Variants in IL1RAPL2 observed in about 807,000 individuals in gnomAD.
IL1RAPL2 encodes the protein interleukin 1 receptor accessory protein like 2.
A neutral mutation model predicts 44.1 loss-of-function variants in IL1RAPL2; 3 were observed. The ratio of observed to expected loss-of-function variants is 0.07; its 90% CI spans 0.03 to 0.18. The LOEUF is 0.18. Among genes scored for constraint, IL1RAPL2 ranks in the 10% least tolerant of loss-of-function variants. The pLI is 1.00. For missense variants in IL1RAPL2, 391 were observed against 496.4 expected (o/e 0.79, Z 2.02); for synonymous variants, 181 against 178.8 (o/e 1.01, Z -0.10).
intron 2 of IL1RAPL2, among the ~76,000 whole-genome samples, chrX:105,107,591 A>G (rs2032756566): frequency 8.9e-6 from 1 of 111,963 alleles, no homozygotes; most frequent in African/African-American, 3.3e-5. Context: ...CCCAAATGAT[A>G]AAGTGGGGAG....
At chrX:104,828,281 TTGC>T (rs1210979453) in intron 2 of IL1RAPL2, among the ~76,000 whole-genome samples, 4 of 112,202 alleles carry the variant, frequency 3.6e-5, no homozygotes, top group African/African-American at 1.3e-4. Context: ...CCTTTCATCT[TTGC>T]TGTTGGTGAC....
chrX:105,021,702 G>T (rs2031285140), intron 2 of IL1RAPL2, among the ~76,000 whole-genome samples: 1 of 111,223 alleles, frequency 9.0e-6, no homozygotes, highest in African/African-American at 3.3e-5. Context: ...TGTTCTTTAG[G>T]TGTTTTTGAT....
At chrX:105,306,037 G>A (rs1450185210) in intron 5 of IL1RAPL2, among the ~76,000 whole-genome samples, 3 of 75,635 alleles carry the variant, frequency 4.0e-5, no homozygotes, top group Non-Finnish European at 6.1e-5. Flanking sequence ...TTCATTTTGT[G>A]TTGAAAGGTT....
intron 2 of IL1RAPL2, among the ~76,000 whole-genome samples, chrX:104,774,734 G>A (rs1012537754): frequency 8.9e-6 from 1 of 112,028 alleles, no homozygotes; most frequent in African/African-American, 3.2e-5. Flanking sequence ...CATATTCATT[G>A]ATATGTGACT....
chrX:105,058,496 T>C (rs1019311849), intron 2 of IL1RAPL2, among the ~76,000 whole-genome samples: 3 of 112,432 alleles, frequency 2.7e-5, no homozygotes, highest in African/African-American at 9.7e-5. Flanking sequence ...AACAACATGT[T>C]ACCTGAACAT....
intron 1 of IL1RAPL2, among the ~76,000 whole-genome samples, chrX:104,638,728 T>C (rs999722442): frequency 8.9e-6 from 1 of 112,415 alleles, no homozygotes; most frequent in African/African-American, 3.2e-5. Flanking sequence ...AGATACTTGA[T>C]ATAATTTCAC....
chrX:105,464,539 C>A (rs925801916), intron 5 of IL1RAPL2, among the ~76,000 whole-genome samples: 15 of 111,418 alleles, frequency 1.3e-4, no homozygotes, highest in African/African-American at 4.9e-4. Context: ...AAAAACACTT[C>A]TAATATTAAA....
chrX:104,786,309 C>T (rs765462470), intron 2 of IL1RAPL2, among the ~76,000 whole-genome samples: 21 of 111,832 alleles, frequency 1.9e-4, no homozygotes, highest in African/African-American at 6.8e-4. Flanking sequence ...ATCTCATATC[C>T]TCTCTTCCTT....
At chrX:105,044,818 G>A (rs908981603) in intron 2 of IL1RAPL2, among the ~76,000 whole-genome samples, 1 of 111,126 alleles carries the variant, frequency 9.0e-6, no homozygotes, top group Admixed American at 9.7e-5. Flanking sequence ...CTAGGCTTAG[G>A]AACAGTAGGC....
At chrX:105,695,809 C>A (rs754476121) in intron 6 of IL1RAPL2, among the ~76,000 whole-genome samples, 41 of 111,946 alleles carry the variant, frequency 3.7e-4, no homozygotes, top group Non-Finnish European at 7.5e-5. Context: ...TGACCAAATA[C>A]CCACAACTAG....
At chrX:105,156,776 TATTTA>T (rs2033272103) in intron 2 of IL1RAPL2, among the ~76,000 whole-genome samples, 1 of 112,357 alleles carries the variant, frequency 8.9e-6, no homozygotes, top group African/African-American at 3.2e-5. Context: ...ACAAACAAAA[TATTTA>T]TTTGATCTCG....
chrX:104,573,854 G>A (rs767345366), intron 1 of IL1RAPL2, among the ~76,000 whole-genome samples: 5 of 111,464 alleles, frequency 4.5e-5, no homozygotes, highest in South Asian at 3.7e-4. Flanking sequence ...AAATTCATGC[G>A]TTTGAGGGAA....
At chrX:104,814,066 G>A (rs1921071039) in intron 2 of IL1RAPL2, among the ~76,000 whole-genome samples, 2 of 110,759 alleles carry the variant, frequency 1.8e-5, no homozygotes, top group South Asian at 7.8e-4. Context: ...CCATCTCTCT[G>A]AGCATGGGTA....
At chrX:105,034,127 A>G (rs1007297871) in intron 2 of IL1RAPL2, among the ~76,000 whole-genome samples, 3 of 110,941 alleles carry the variant, frequency 2.7e-5, no homozygotes, top group Non-Finnish European at 5.7e-5. Flanking sequence ...CCATTCATCT[A>G]ATTTTTTTTC....
chrX:105,646,299 G>A (rs777601099), intron 6 of IL1RAPL2, among the ~76,000 whole-genome samples: 1 of 112,029 alleles, frequency 8.9e-6, no homozygotes, highest in African/African-American at 3.2e-5. Context: ...TTCAAACCCT[G>A]AGGCTTTTCA....
intron 5 of IL1RAPL2, among the ~76,000 whole-genome samples, chrX:105,280,207 G>T (rs1368761738): frequency 8.9e-6 from 1 of 111,791 alleles, no homozygotes; most frequent in Non-Finnish European, 1.9e-5. Flanking sequence ...AAATGGTGTT[G>T]GGAAAACTGC....
chrX:104,817,513 G>A (rs2147621735), intron 2 of IL1RAPL2, among the ~76,000 whole-genome samples: 1 of 111,605 alleles, frequency 9.0e-6, no homozygotes, highest in African/African-American at 3.3e-5. Context: ...TGTTCTCTGA[G>A]CCCCAACACT....
At chrX:105,368,458 T>C (rs751229103) in intron 5 of IL1RAPL2, among the ~76,000 whole-genome samples, 2 of 111,870 alleles carry the variant, frequency 1.8e-5, no homozygotes, top group Non-Finnish European at 3.8e-5. Flanking sequence ...CTGGGTATAG[T>C]ATTGTTAGTT....
chrX:104,606,884 A>G (rs756678698), intron 1 of IL1RAPL2, among the ~76,000 whole-genome samples: 41 of 112,045 alleles, frequency 3.7e-4, no homozygotes, highest in Non-Finnish European at 6.4e-4. Flanking sequence ...TTGGAAAAAA[A>G]CTACTTTAAA....
Sources: allele counts gnomAD v4.1 joint callset (sites outside exome capture counted in the v4.1 genomes callset), GRCh38; gene constraint gnomAD v4.1.1; transcripts MANE v1.5; gene names NCBI Gene and HGNC (gene_info 2026-07-23, HGNC 2026-07-21).